Variants in ANKRD45 observed in about 807,000 individuals in gnomAD.
ANKRD45 encodes ankyrin repeat domain 45.
A neutral mutation model predicts 28.1 loss-of-function variants in ANKRD45; 21 were observed. The observed-to-expected ratio is 0.75, with a 90% CI of 0.53 to 1.08. The LOEUF (loss-of-function observed/expected upper bound fraction) is 1.08, where lower values mean the gene tolerates loss of function less well. Among genes scored for constraint, ANKRD45 ranks in the 50% least tolerant of loss-of-function variants. The pLI is 0.00. For missense variants in ANKRD45, 261 were observed against 308.7 expected (o/e 0.85, Z 1.16); for synonymous variants, 86 against 103.9 (o/e 0.83, Z 1.05).
At chr1:173,683,155 A>G in the ANKRD45 span, among the ~76,000 whole-genome samples, 2 of 152,156 alleles carry the variant, frequency 1.3e-5, no homozygotes, top group African/African-American at 4.8e-5. Context: ...AAAACAAATG[A>G]TCACACAACT....
chr1:173,638,254 G>C (rs1668543608), intron 3 of ANKRD45, among the ~76,000 whole-genome samples: 1 of 152,114 alleles, frequency 6.6e-6, no homozygotes, highest in African/African-American at 2.4e-5. Flanking sequence ...GTGAGAGATT[G>C]AGCCTTTCAC....
rs571258776 is a variant in ANKRD45 at position 173,627,232 on chromosome 1, C to A, written c.497-73G>T. On this transcript the variant is annotated intron_variant, in intron 3 of 5. Coordinates refer to ENST00000333279, the MANE Select transcript of ANKRD45 (RefSeq NM_198493.3). ...GCAAAGCAAGATAGTCAAATGGAAGCCTCCACTGTCCACCCCACCCCACAG... is the reference window on the plus strand; with the variant it reads ...GCAAAGCAAGATAGTCAAATGGAAGACTCCACTGTCCACCCCACCCCACAG... 4.0e-4 allele frequency: 380 copies of A among 954,966 alleles called. 4 individuals carry two copies. In the South Asian group the frequency reaches 5.2e-3, roughly 13 times the overall value. 59.2% of individuals were successfully genotyped at this position (954,966 alleles called of 1,614,324 possible). A position where few individuals can be genotyped will look rare whatever the true frequency, so the allele number is the denominator to read the frequency against.
At chr1:173,630,489 T>C (rs545313063) in intron 3 of ANKRD45, among the ~76,000 whole-genome samples, 6 of 152,148 alleles carry the variant, frequency 3.9e-5, no homozygotes, top group Non-Finnish European at 8.8e-5. Flanking sequence ...TGTTAAGTTG[T>C]CATCAGTCTA....
Position 173,659,265 on chromosome 1 carries a change from G to C in ANKRD45, c.154C>G (p.Gln52Glu). 1 of 1,614,014 alleles carries C rather than the reference G, an allele frequency of 6.2e-7. No individual in the cohort carries two copies. Residue 52 changes from glutamine to glutamate, a missense_variant, in exon 2 of 6, where the codon CAG becomes GAG. Physicochemically the swap from Gln to Glu is conservative, Grantham distance 29. Transcript: ENST00000333279. ...TTCTCAGGATCCTCAAATATCTTCT[G>C]CAAACCCTCTACATCCCCTGTGAGA... ...PALTGDVEGL[Q>E]KIFEDPENPH...
At chr1:173,701,525 C>T in the ANKRD45 span, among the ~76,000 whole-genome samples, 12 of 152,062 alleles carry the variant, frequency 7.9e-5, no homozygotes, top group Non-Finnish European at 1.3e-4. Flanking sequence ...TATAGGGACA[C>T]GGATGAAGCT....
chr1:173,626,821 G>A (rs1208101518), intron 4 of ANKRD45, among the ~76,000 whole-genome samples: 2 of 151,862 alleles, frequency 1.3e-5, no homozygotes, highest in African/African-American at 4.8e-5. Context: ...CCATGTTGCT[G>A]GGTTTGATAC....
intron 3 of ANKRD45, among the ~76,000 whole-genome samples, chr1:173,631,636 T>C (rs765781547): frequency 1.6e-4 from 25 of 152,242 alleles, no homozygotes; most frequent in Non-Finnish European, 3.1e-4. Context: ...ATATCAAGTA[T>C]TTTCTCTGAC....
chr1:173,646,859 GA>G lies in ANKRD45; in HGVS notation c.482del (p.Phe161SerfsTer9). 2 of 1,613,896 alleles carry G rather than the reference GA, an allele frequency of 1.2e-6. No individual in the cohort carries two copies. Among genetic ancestry groups the G allele is most frequent in the Non-Finnish European group, 1.7e-6 (2 of 1,179,908 alleles). ...ARYSQTECVE[F>X]LDWADARLTL... ...GAGCTTCCTTACCTGCCCAGTCCAGGAATTCAACACACTCAGTCTGAGAATA... is the reference window on the plus strand; with the variant it reads ...GAGCTTCCTTACCTGCCCAGTCCAGGATTCAACACACTCAGTCTGAGAATA... On this transcript the variant is annotated frameshift_variant, in exon 3 of 6. Transcript: ENST00000333279. LOFTEE classifies it high-confidence loss of function.
intron 3 of ANKRD45, chr1:173,636,776 G>T: frequency 7.7e-7 from 1 of 1,290,408 alleles, no homozygotes; most frequent in Non-Finnish European, 1.1e-6. Flanking sequence ...CTATAGTATT[G>T]AACTCTACTG....
At chr1:173,628,953 T>C (rs1377504230) in intron 3 of ANKRD45, among the ~76,000 whole-genome samples, 1 of 152,198 alleles carries the variant, frequency 6.6e-6, no homozygotes, top group Non-Finnish European at 1.5e-5. Context: ...ACTCTGTTTA[T>C]TGAGGGGAAA....
At chr1:173,674,136 A>C (rs189674997), upstream of ANKRD45, among the ~76,000 whole-genome samples, 1 of 151,982 alleles carries the variant, frequency 6.6e-6, no homozygotes, top group Non-Finnish European at 1.5e-5. Context: ...CAGCCTCCCA[A>C]ATAGCTGGGA....
At chr1:173,689,608 A>G in the ANKRD45 span, among the ~76,000 whole-genome samples, 1 of 152,054 alleles carries the variant, frequency 6.6e-6, no homozygotes, top group Non-Finnish European at 1.5e-5. Flanking sequence ...AGGCCTGCAC[A>G]TTGCCTCATT....
At chr1:173,709,015 C>A in the ANKRD45 span, among the ~76,000 whole-genome samples, 1 of 152,186 alleles carries the variant, frequency 6.6e-6, no homozygotes, top group South Asian at 2.1e-4. Context: ...CTGCTCTGTT[C>A]CTGAACTTTC....
intron 1 of ANKRD45, chr1:173,669,398 CAAAA>C (rs58611776): frequency 2.6e-5 from 10 of 391,694 alleles, no homozygotes; most frequent in South Asian, 5.3e-5. Flanking sequence ...TTTTTTTCTT[CAAAA>C]AAAAAAAAAA....
chr1:173,713,818 C>T, the ANKRD45 span, among the ~76,000 whole-genome samples: 1 of 152,008 alleles, frequency 6.6e-6, no homozygotes, highest in East Asian at 1.9e-4. Context: ...GAAACCTAGC[C>T]CCCAAATGCT....
the ANKRD45 span, among the ~76,000 whole-genome samples, chr1:173,714,225 A>G: frequency 6.6e-6 from 1 of 152,250 alleles, no homozygotes; most frequent in African/African-American, 2.4e-5. Flanking sequence ...TTTTCTAAAT[A>G]TTAATATACG....
At chr1:173,703,212 T>G in the ANKRD45 span, among the ~76,000 whole-genome samples, 3 of 151,402 alleles carry the variant, frequency 2.0e-5, no homozygotes, top group African/African-American at 7.3e-5. Flanking sequence ...AGCTAATTTT[T>G]TTTTTTTTTG....
chr1:173,691,094 C>A, the ANKRD45 span, among the ~76,000 whole-genome samples: 1 of 152,198 alleles, frequency 6.6e-6, no homozygotes, highest in East Asian at 1.9e-4. Flanking sequence ...CACTGCCCCA[C>A]CCCCCACGGC....
chr1:173,661,114 T>G (rs1571776081), intron 1 of ANKRD45, among the ~76,000 whole-genome samples: 1 of 151,860 alleles, frequency 6.6e-6, no homozygotes, highest in East Asian at 1.9e-4. Flanking sequence ...TTTTTAGGAA[T>G]ACAAGTAGAT....
Sources: allele counts gnomAD v4.1 joint callset (sites outside exome capture counted in the v4.1 genomes callset), GRCh38; gene constraint gnomAD v4.1.1; transcripts MANE v1.5; gene names NCBI Gene and HGNC (gene_info 2026-07-23, HGNC 2026-07-21).